Variants in COL11A1 observed in about 807,000 individuals in gnomAD.
COL11A1 encodes collagen alpha-1(XI) chain.
In COL11A1, 74 loss-of-function variants were observed where a neutral mutation model predicts 265.2. The ratio of observed to expected loss-of-function variants is 0.28; its 90% CI spans 0.23 to 0.34. COL11A1 has a LOEUF of 0.34. COL11A1 is among the 10% of genes least tolerant of loss of function. The pLI is 1.00. For missense variants in COL11A1, 2,165 were observed against 2,263.6 expected (o/e 0.96, Z 0.88); for synonymous variants, 816 against 727.6 (o/e 1.12, Z -1.96).
chr1:102,954,963 C>G (rs1177616023), intron 41 of COL11A1, among the ~76,000 whole-genome samples: 1 of 151,942 alleles, frequency 6.6e-6, no homozygotes, highest in African/African-American at 2.4e-5. Context: ...AACTATCAAG[C>G]ATTATCAGAA....
intron 36 of COL11A1, among the ~76,000 whole-genome samples, chr1:102,971,086 C>T (rs1661940881): frequency 6.6e-6 from 1 of 151,638 alleles, no homozygotes; most frequent in Admixed American, 6.6e-5. Context: ...TTTTATCTCT[C>T]AAATTTTTTC....
At chr1:103,087,279 G>T (rs950808076) in intron 1 of COL11A1, among the ~76,000 whole-genome samples, 2 of 152,072 alleles carry the variant, frequency 1.3e-5, no homozygotes, top group African/African-American at 4.8e-5. Flanking sequence ...ATACCTATAG[G>T]TTTATTAAAC....
At chr1:102,974,960 C>G in intron 35 of COL11A1, 77 bp from the exon 36 acceptor site, 4 of 1,062,114 alleles carry the variant, frequency 3.8e-6, no homozygotes, top group Non-Finnish European at 5.9e-6. Flanking sequence ...GGTTTATTTA[C>G]ATAGACAAAA....
chr1:103,096,603 C>G (rs1168986923), intron 1 of COL11A1, among the ~76,000 whole-genome samples: 2 of 151,998 alleles, frequency 1.3e-5, no homozygotes, highest in East Asian at 3.9e-4. Context: ...AGAAATAAAA[C>G]TTTAGGAGTT....
chr1:102,933,513 T>C (rs999260773), intron 46 of COL11A1, among the ~76,000 whole-genome samples: 31 of 152,008 alleles, frequency 2.0e-4, no homozygotes, highest in Non-Finnish European at 2.5e-4. Flanking sequence ...GACAGGGACA[T>C]TTAAGTCTGC....
chr1:103,052,083 C>T (rs556129717), intron 4 of COL11A1, among the ~76,000 whole-genome samples: 1 of 152,252 alleles, frequency 6.6e-6, no homozygotes, highest in East Asian at 1.9e-4. Context: ...GTCCCCAAGA[C>T]CTACCAGTTC....
intron 4 of COL11A1, among the ~76,000 whole-genome samples, chr1:103,048,183 A>G (rs1282409844): frequency 1.3e-5 from 2 of 152,204 alleles, no homozygotes; most frequent in South Asian, 2.1e-4. Flanking sequence ...GAATGGTACC[A>G]GCTCCTCCTT....
At chr1:102,901,207 C>T (rs1485679289) in intron 54 of COL11A1, among the ~76,000 whole-genome samples, 1 of 151,738 alleles carries the variant, frequency 6.6e-6, no homozygotes, top group Non-Finnish European at 1.5e-5. Flanking sequence ...GTAATCCCAG[C>T]TACTCGGGAG....
chr1:102,972,380 C>T (rs990528717), intron 36 of COL11A1, among the ~76,000 whole-genome samples: 1 of 151,912 alleles, frequency 6.6e-6, no homozygotes, highest in Non-Finnish European at 1.5e-5. Context: ...TTTAAAATAG[C>T]GATCTTAGGT....
Position 102,879,698 on chromosome 1 carries a change from C to T in COL11A1, c.5259G>A (p.Leu1753=). The change falls in exon 66 of 67, where the codon CTG becomes CTA. Residue 1753 remains leucine (L), a synonymous_variant. Coordinates refer to ENST00000370096, the MANE Select transcript of COL11A1 (RefSeq NM_001854.4). ...TTATACTCACCGCACAACCATCATA[C>T]AGTGTTTTGATAAAAGGATTATTGT... The part of the protein sequence containing the change: ...SYDNNPFIKT[L]YDGCASRKGY... 1 of 1,613,492 alleles carries T rather than the reference C, an allele frequency of 6.2e-7. No individual in the cohort carries two copies. The highest frequency in any genetic ancestry group is 8.5e-7 in the Non-Finnish European group (1 of 1,179,564).
chr1:102,903,889 GT>G (rs1437658090), intron 54 of COL11A1, among the ~76,000 whole-genome samples: 2 of 152,134 alleles, frequency 1.3e-5, no homozygotes, highest in Non-Finnish European at 2.9e-5. Flanking sequence ...TCGACACAGG[GT>G]CTCACTCAGT....
At chr1:103,045,536 A>G (rs980187470) in intron 4 of COL11A1, among the ~76,000 whole-genome samples, 1 of 152,176 alleles carries the variant, frequency 6.6e-6, no homozygotes, top group Admixed American at 6.6e-5. Context: ...ACAGAAATAG[A>G]GTAGTTTATG....
intron 31 of COL11A1, among the ~76,000 whole-genome samples, chr1:102,980,976 A>G (rs767663541): frequency 6.6e-6 from 1 of 152,160 alleles, no homozygotes; most frequent in Non-Finnish European, 1.5e-5. Context: ...CCTATTCCCA[A>G]TTTGAAAGCA....
intron 54 of COL11A1, among the ~76,000 whole-genome samples, chr1:102,910,024 T>G (rs1271526666): frequency 6.6e-6 from 1 of 152,008 alleles, no homozygotes; most frequent in Non-Finnish European, 1.5e-5. Context: ...TATGTCAAAA[T>G]AGCTTCACAC....
rs112547358 is a variant in COL11A1 at position 103,085,599 on chromosome 1, A to T, written c.107-2627T>A. 3.6e-3 allele frequency among the ~76,000 whole-genome samples: 548 copies of T among 152,222 alleles called. 5 individuals carry two copies. The highest frequency in any genetic ancestry group is 0.012 in the African/African-American group (478 of 41,516). On this transcript the variant is annotated intron_variant, in intron 1 of 66. Coordinates refer to ENST00000370096, the MANE Select transcript of COL11A1 (RefSeq NM_001854.4). ...ACAACAGTATTTGAGGACCTGCTTG[A>T]CTTATATTCTATTGGCTTCATACCT...
intron 62 of COL11A1, among the ~76,000 whole-genome samples, 182 bp downstream of exon 62, chr1:102,888,395 T>C (rs891933759): frequency 1.3e-5 from 2 of 152,158 alleles, no homozygotes; most frequent in African/African-American, 4.8e-5. Flanking sequence ...ATTTGAAGAG[T>C]GAAATCAATT....
intron 14 of COL11A1, among the ~76,000 whole-genome samples, chr1:103,010,336 G>A (rs916460001): frequency 6.6e-6 from 1 of 152,070 alleles, no homozygotes; most frequent in Non-Finnish European, 1.5e-5. Flanking sequence ...CATCAAATTT[G>A]CATGTTTTGA....
At chr1:102,929,520 T>G (rs1294794324) in intron 46 of COL11A1, among the ~76,000 whole-genome samples, 3 of 152,176 alleles carry the variant, frequency 2.0e-5, no homozygotes, top group Non-Finnish European at 4.4e-5. Flanking sequence ...TGAAGTCAGG[T>G]AGTGTAATGC....
intron 4 of COL11A1, among the ~76,000 whole-genome samples, chr1:103,042,046 T>G (rs1668851838): frequency 6.6e-6 from 1 of 152,066 alleles, no homozygotes; most frequent in South Asian, 2.1e-4. Flanking sequence ...AGTAATTATA[T>G]TTCTCCTATA....
Sources: gnomAD v4.1 joint callset for allele counts (sites outside exome capture counted in the v4.1 genomes callset) on GRCh38, gnomAD v4.1.1 for gene constraint, MANE v1.5 for transcripts, NCBI Gene and HGNC (gene_info 2026-07-23, HGNC 2026-07-21) for gene names.